The following LNPEP variants were observed in gnomAD, a reference collection of about 807,000 sequenced individuals.
LNPEP encodes leucyl and cystinyl aminopeptidase.
Under a neutral mutation model 120.6 loss-of-function variants are expected in LNPEP, and 64 were observed. The observed-to-expected ratio is 0.53, with a 90% CI of 0.43 to 0.65. LNPEP has a LOEUF of 0.65. Among genes scored for constraint, LNPEP ranks in the 30% least tolerant of loss-of-function variants. The probability of loss-of-function intolerance (pLI) is 0.00; values close to 1 mark genes in which losing one functional copy is unlikely to be tolerated. For synonymous variants in LNPEP, 435 were observed against 425.4 expected (o/e 1.02, Z -0.28); for missense variants, 1,057 against 1,200.0 (o/e 0.88, Z 1.76).
At position 97,031,824 on chromosome 5, in the gene LNPEP, G is replaced by T. The variant is rs1273269322; in HGVS notation, c.*3291G>T. 1 of 152,296 alleles carries T rather than the reference G, an allele frequency of 6.6e-6. No homozygotes were observed. Among genetic ancestry groups the T allele is most frequent in the Non-Finnish European group, 1.5e-5 (1 of 68,138 alleles). The allele number at this position is 152,296 out of a possible 1,614,324, so 9.4% of individuals were successfully genotyped here. ...CACTTGAACCCAGGAGGCGGAGGTT[G>T]CAGTGAGCCAAGGTTGTGCCACTGC... On this transcript the variant is annotated 3_prime_UTR_variant, in exon 18 of 18. Coordinates refer to ENST00000231368, the MANE Select transcript of LNPEP (RefSeq NM_005575.3).
At chr5:96,988,583 G>A (rs931501108) in intron 4 of LNPEP, among the ~76,000 whole-genome samples, 20 of 151,688 alleles carry the variant, frequency 1.3e-4, no homozygotes, top group African/African-American at 4.1e-4. Context: ...TGATCCGCCC[G>A]CCTCAGCCTC....
chr5:96,967,854 A>G (rs898390959), intron 1 of LNPEP, among the ~76,000 whole-genome samples: 6 of 152,160 alleles, frequency 3.9e-5, no homozygotes, highest in African/African-American at 1.4e-4. Flanking sequence ...CACCAGGAAT[A>G]CAAAGATGAA....
chr5:97,022,984 A>G (rs1205453384), intron 14 of LNPEP, among the ~76,000 whole-genome samples: 3 of 151,914 alleles, frequency 2.0e-5, no homozygotes, highest in African/African-American at 4.8e-5. Context: ...AGTGTTAAGC[A>G]TATTCACATT....
At chr5:96,971,345 T>TG (rs1554067378) in intron 1 of LNPEP, among the ~76,000 whole-genome samples, 2 of 142,824 alleles carry the variant, frequency 1.4e-5, no homozygotes, top group Non-Finnish European at 3.1e-5. Flanking sequence ...ACATTATTAT[T>TG]TGTGTGTGTG....
Position 97,022,448 on chromosome 5 carries a change from T to G in LNPEP, c.2525T>G (p.Leu842Arg). 6.2e-7 allele frequency: 1 copy of G among 1,614,056 alleles called. No individual in the cohort carries two copies. Among genetic ancestry groups the G allele is most frequent in the Non-Finnish European group, 8.5e-7 (1 of 1,179,960 alleles). ...AACTGCTCTACTACTGCCATGAAAC[T>G]GTTTGATGACTGGATGGCATCCAAT... is the stretch of plus-strand genomic sequence containing the variant. ...LGNCSTTAMK[L>R]FDDWMASNGT... is the part of the protein sequence containing the mutation. Residue 842 changes from leucine (L) to arginine (R), a missense_variant, in exon 14 of 18, where the codon CTG (leucine) becomes CGG (arginine). Physicochemically the swap from Leu to Arg is moderately radical, Grantham distance 102. Coordinates refer to ENST00000231368, the MANE Select transcript of LNPEP (RefSeq NM_005575.3).
In LNPEP at chr5:96,993,074, T is replaced by C; in HGVS notation, c.1191T>C (p.Thr397=). ...AAGTTCATTATGCCTTGGAAACAAC[T>C]GTGAAGCTTCTTGAGTTTTTTCAAA... ...IGQVHYALET[T]VKLLEFFQNY... The change falls in exon 5 of 18, where the codon ACT becomes ACC. Residue 397 remains threonine (T), a synonymous_variant. Transcript: ENST00000231368. 1 of 1,598,950 alleles carries C rather than the reference T, an allele frequency of 6.3e-7. No individual in the cohort carries two copies. The highest frequency in any genetic ancestry group is 8.6e-7 in the Non-Finnish European group (1 of 1,168,550).
Position 96,954,715 on chromosome 5 carries a change from T to TATATACATATATACACAC in LNPEP, c.19+18546_19+18547insCATATATACACACATATA, listed in dbSNP as rs1241526639. Among the ~76,000 whole-genome samples, 54 of 94,562 alleles carry TATATACATATATACACAC rather than the reference T, an allele frequency of 5.7e-4. 17 individuals are homozygous for TATATACATATATACACAC. The South Asian group carries it at 8.2e-3, about 14-fold the overall frequency. The allele number at this position is 94,562 out of a possible 152,430, so 62.0% of individuals were successfully genotyped here. ...ATACACATATATACATATATACACATATATATACATATATATATACATATA... is the reference window on the plus strand; with the variant it reads ...ATACACATATATACATATATACACATATATACATATATACACACATATATACATATATATATACATATA... On this transcript the variant is annotated intron_variant, in intron 1 of 17. Coordinates refer to ENST00000231368, the MANE Select transcript of LNPEP (RefSeq NM_005575.3).
chr5:97,027,900 T>G (rs1791386321), intron 17 of LNPEP, 86 bp downstream of exon 17: 2 of 787,016 alleles, frequency 2.5e-6, no homozygotes. Context: ...AGATGGTGGA[T>G]TTTCATGCTA....
chr5:96,955,130 A>G (rs1168674475), intron 1 of LNPEP, among the ~76,000 whole-genome samples: 6 of 151,862 alleles, frequency 4.0e-5, no homozygotes, highest in Admixed American at 2.0e-4. Context: ...TGACCCTTCT[A>G]TCCCTCTTTT....
intron 13 of LNPEP, among the ~76,000 whole-genome samples, chr5:97,019,247 G>T (rs1314618486): frequency 6.6e-6 from 1 of 151,902 alleles, no homozygotes; most frequent in Non-Finnish European, 1.5e-5. Flanking sequence ...ATTTCACTTT[G>T]TAAAATCATA....
At chr5:97,017,662 A>C (rs1791098332) in intron 13 of LNPEP, among the ~76,000 whole-genome samples, 1 of 152,142 alleles carries the variant, frequency 6.6e-6, no homozygotes, top group Admixed American at 6.5e-5. Context: ...CAGGACCAGT[A>C]TATTTTATTG....
intron 1 of LNPEP, among the ~76,000 whole-genome samples, chr5:96,949,029 G>C (rs146306033): frequency 6.6e-6 from 1 of 152,298 alleles, no homozygotes; most frequent in East Asian, 1.9e-4. Context: ...ATTAGCAGTG[G>C]TCTAAGATAA....
chr5:96,937,405 T>G (rs1353368954), intron 1 of LNPEP: 2 of 152,244 alleles, frequency 1.3e-5, no homozygotes, highest in African/African-American at 4.8e-5. Flanking sequence ...GATAACAACT[T>G]TAATTCTGAA....
chr5:96,989,315 ATATATAAT>A lies in LNPEP; in HGVS notation c.1131+2646_1131+2653del, dbSNP rs1561442981. On this transcript the variant is annotated intron_variant, in intron 4 of 17. Coordinates refer to ENST00000231368, the MANE Select transcript of LNPEP (RefSeq NM_005575.3). Reference sequence around the variant, plus strand: ...ATTTATATATAATATATTGTATATTATATATAATATATAATTATATATAATATATAATA... The same window carrying A: ...ATTTATATATAATATATTGTATATTAATATAATTATATATAATATATAATA... 1.5e-4 allele frequency among the ~76,000 whole-genome samples: 20 copies of A among 136,338 alleles called. No homozygotes were observed. In the South Asian group the frequency reaches 1.7e-3, roughly 12 times the overall value. 89.4% of individuals were successfully genotyped at this position (136,338 alleles called of 152,430 possible). A position where few individuals can be genotyped will look rare whatever the true frequency, so the allele number is the denominator to read the frequency against.
At chr5:97,012,188 A>G (rs1790946363) in intron 11 of LNPEP, among the ~76,000 whole-genome samples, 1 of 152,202 alleles carries the variant, frequency 6.6e-6, no homozygotes, top group African/African-American at 2.4e-5. Context: ...GCTTATGAAG[A>G]CAATGGAAAA....
chr5:97,015,038 C>T lies in LNPEP; in HGVS notation c.2319C>T (p.Asp773=). Residue 773 remains aspartate, a synonymous_variant, in exon 13 of 18, where the codon GAC becomes GAT. Transcript: ENST00000231368. The stretch of plus-strand genomic sequence containing the variant: ...TCACCGAAGCCCTGTTTCAGACAGA[C>T]CTCATCTATAACCTCCTTGAAAAAC... The part of the protein sequence containing the change: ...APITEALFQT[D]LIYNLLEKLG... 6.2e-7 allele frequency: 1 copy of T among 1,602,036 alleles called. No individual in the cohort carries two copies. Among genetic ancestry groups the T allele is most frequent in the Non-Finnish European group, 8.5e-7 (1 of 1,174,406 alleles).
intron 1 of LNPEP, among the ~76,000 whole-genome samples, chr5:96,950,828 G>A (rs936498107): frequency 4.6e-5 from 7 of 152,096 alleles, no homozygotes; most frequent in East Asian, 3.8e-4. Context: ...CTTCCTTCCC[G>A]CTTAAAATCT....
intron 2 of LNPEP, 143 bp from the exon 3 acceptor site, chr5:96,984,937 A>G (rs1790206283): frequency 8.9e-6 from 7 of 782,810 alleles, no homozygotes; most frequent in African/African-American, 1.8e-5. Flanking sequence ...GTTTCTGTTC[A>G]TTGTATAAAC....
chr5:97,027,853 C>T (rs535896838), intron 17 of LNPEP, 39 bp downstream of exon 17: 21 of 1,180,258 alleles, frequency 1.8e-5, no homozygotes, highest in Non-Finnish European at 2.5e-5. Context: ...ACTGGGCAAC[C>T]CTCCGCACAC....
Sources: allele counts gnomAD v4.1 joint callset (sites outside exome capture counted in the v4.1 genomes callset), GRCh38; gene constraint gnomAD v4.1.1; transcripts MANE v1.5; gene names NCBI Gene and HGNC (gene_info 2026-07-23, HGNC 2026-07-21).